Variants in HTR1F observed in about 807,000 individuals in gnomAD.
The protein encoded by HTR1F is 5-hydroxytryptamine receptor 1F, also known as 5-hydroxytryptamine (serotonin) receptor 1F, G protein-coupled.
HTR1F carries 17 observed loss-of-function variants against 24.0 expected under a neutral mutation model. That is an observed-to-expected ratio of 0.71 (90% CI 0.48 to 1.06). The LOEUF is 1.06. Ranked by LOEUF, HTR1F falls within the 50% of genes least tolerant of loss-of-function variation. HTR1F has a pLI of 0.00. For synonymous variants in HTR1F, 186 were observed against 156.8 expected (o/e 1.19, Z -1.39); for missense variants, 391 against 427.8 (o/e 0.91, Z 0.76).
At chr3:87,902,615 T>TCA (rs1227650169) in intron 2 of HTR1F, among the ~76,000 whole-genome samples, 1 of 152,098 alleles carries the variant, frequency 6.6e-6, no homozygotes, top group East Asian at 1.9e-4. Flanking sequence ...ATCATTATTA[T>TCA]ACTTTAAGTT....
chr3:87,899,168 T>C (rs1864617), intron 2 of HTR1F, among the ~76,000 whole-genome samples: 57,956 of 152,066 alleles, frequency 0.38, 15,554 homozygotes, highest in African/African-American at 0.77. Context: ...CCTTTGACAA[T>C]GCTAGGCAAG....
intron 2 of HTR1F, among the ~76,000 whole-genome samples, chr3:87,923,516 CT>C (rs1420100947): frequency 6.6e-6 from 1 of 151,138 alleles, no homozygotes; most frequent in East Asian, 2.0e-4. Context: ...AAATTGCTTT[CT>C]TGTTTTTTTT....
intron 2 of HTR1F, among the ~76,000 whole-genome samples, chr3:87,883,186 G>C (rs543908024): frequency 6.6e-6 from 1 of 152,306 alleles, no homozygotes; most frequent in Admixed American, 6.5e-5. Context: ...ACAGGGTCTG[G>C]AGTGGACCTC....
At chr3:87,871,949 T>C (rs1342498829) in intron 2 of HTR1F, among the ~76,000 whole-genome samples, 1 of 152,070 alleles carries the variant, frequency 6.6e-6, no homozygotes, top group Non-Finnish European at 1.5e-5. Flanking sequence ...CCAACAACAG[T>C]GAATGAACTA....
intron 2 of HTR1F, among the ~76,000 whole-genome samples, chr3:87,861,941 C>A (rs541176126): frequency 6.6e-6 from 1 of 152,248 alleles, no homozygotes; most frequent in African/African-American, 2.4e-5. Context: ...CCATTTATTT[C>A]TTTATCCTTT....
chr3:87,827,614 TC>T (rs1334740185), intron 2 of HTR1F, among the ~76,000 whole-genome samples: 1 of 152,154 alleles, frequency 6.6e-6, no homozygotes, highest in Non-Finnish European at 1.5e-5. Flanking sequence ...ATTTAAAAAA[TC>T]CTTTGAAAAA....
chr3:87,849,651 C>T lies in HTR1F; in HGVS notation c.-43+27527C>T, dbSNP rs567513843. 4.2e-3 allele frequency among the ~76,000 whole-genome samples: 639 copies of T among 151,680 alleles called. 12 individuals are homozygous for T. Among genetic ancestry groups the T allele is most frequent in the Middle Eastern group, 0.014 (4 of 294 alleles). On this transcript the variant is annotated intron_variant, in intron 2 of 2. Coordinates refer to ENST00000319595, the MANE Select transcript of HTR1F (RefSeq NM_001322209.2). The stretch of plus-strand genomic sequence containing the variant: ...AGAGCTTCTGCACAGCAAAAGAAAC[C>T]ACCATCAGAGTGAACAGGCAACCTA...
At chr3:87,878,788 T>A (rs111392218) in intron 2 of HTR1F, among the ~76,000 whole-genome samples, 325 of 152,246 alleles carry the variant, frequency 2.1e-3, no homozygotes, top group African/African-American at 7.4e-3. Flanking sequence ...GTAAAAGTTA[T>A]ATGTTGCTGG....
chr3:87,896,281 C>G (rs998472922), intron 2 of HTR1F, among the ~76,000 whole-genome samples: 1 of 152,138 alleles, frequency 6.6e-6, no homozygotes, highest in Non-Finnish European at 1.5e-5. Context: ...TTCTGAAGAG[C>G]GGAAAGGAGC....
chr3:87,802,509 A>G (rs1181104132), intron 1 of HTR1F, among the ~76,000 whole-genome samples: 1 of 151,712 alleles, frequency 6.6e-6, no homozygotes, highest in African/African-American at 2.4e-5. Flanking sequence ...ACGCCAGGCT[A>G]ATTTTTCTGT....
At position 87,974,269 on chromosome 3, in the gene HTR1F, C is replaced by T. The variant is rs1199643131; in HGVS notation, c.-42-16439C>T. On this transcript the variant is annotated intron_variant, in intron 2 of 2. Transcript: ENST00000319595. ...TTCATCATGCTGAATCCTCCCTCAG[C>T]TTCTGCTGATATCTCAGCAGAATAT... Among the ~76,000 whole-genome samples, 4 of 152,206 alleles carry T rather than the reference C, an allele frequency of 2.6e-5. No individual in the cohort carries two copies. The East Asian group carries it at 7.7e-4, about 29-fold the overall frequency.
chr3:87,967,818 T>C (rs1438961754), intron 2 of HTR1F, among the ~76,000 whole-genome samples: 2 of 152,196 alleles, frequency 1.3e-5, no homozygotes, highest in Non-Finnish European at 2.9e-5. Flanking sequence ...CTCAGGTATG[T>C]GTATCAGCAG....
At chr3:87,821,496 G>A (rs1389821303) in intron 1 of HTR1F, among the ~76,000 whole-genome samples, 1 of 151,992 alleles carries the variant, frequency 6.6e-6, no homozygotes, top group Non-Finnish European at 1.5e-5. Flanking sequence ...TAAAATGTTC[G>A]TGATGTTGAT....
At chr3:87,957,191 T>C (rs1377416027) in intron 2 of HTR1F, among the ~76,000 whole-genome samples, 6 of 151,326 alleles carry the variant, frequency 4.0e-5, no homozygotes, top group African/African-American at 1.5e-4. Context: ...ATGGACTTTT[T>C]TTCTGATTCC....
At chr3:87,958,305 T>C (rs73847733) in intron 2 of HTR1F, among the ~76,000 whole-genome samples, 13,228 of 151,590 alleles carry the variant, frequency 0.087, 616 homozygotes, top group African/African-American at 0.11. Flanking sequence ...TTTTTGTTTT[T>C]GTTTTTGTTT....
In HTR1F at chr3:87,866,816, G is replaced by A. The variant is rs570316528; in HGVS notation, c.-43+44692G>A. On this transcript the variant is annotated intron_variant, in intron 2 of 2. Transcript: ENST00000319595. ...GAGGTGTACATGGGCACAAGTGTGC[G>A]TGCGTGTGTGTGTGTGTGTGTGTGT... Among the ~76,000 whole-genome samples the A allele has an allele frequency of 4.3e-4, 31 of 72,694 alleles. 1 individual carries two copies. The highest frequency in any genetic ancestry group is 4.2e-3 in the African/African-American group (17 of 4,074). 47.7% of individuals were successfully genotyped at this position (72,694 alleles called of 152,430 possible).
At chr3:87,875,741 G>A (rs568394531) in intron 2 of HTR1F, among the ~76,000 whole-genome samples, 44 of 151,684 alleles carry the variant, frequency 2.9e-4, no homozygotes, top group East Asian at 1.6e-3. Context: ...TGGCTAACAC[G>A]GTGAAACCCC....
At chr3:87,945,504 A>C (rs1576072823) in intron 2 of HTR1F, among the ~76,000 whole-genome samples, 1 of 152,174 alleles carries the variant, frequency 6.6e-6, no homozygotes, top group African/African-American at 2.4e-5. Flanking sequence ...CACATGGGCG[A>C]CTATTGAGTA....
chr3:87,869,149 A>G (rs576743476), intron 2 of HTR1F, among the ~76,000 whole-genome samples: 10 of 152,214 alleles, frequency 6.6e-5, no homozygotes, highest in Non-Finnish European at 1.0e-4. Flanking sequence ...TCTGCATACA[A>G]CAACAAACAT....
Sources: gnomAD v4.1 joint callset for allele counts (sites outside exome capture counted in the v4.1 genomes callset) on GRCh38, gnomAD v4.1.1 for gene constraint, MANE v1.5 for transcripts, NCBI Gene and HGNC (gene_info 2026-07-23, HGNC 2026-07-21) for gene names.